The following DHX9 variants were observed in gnomAD, a reference collection of about 807,000 sequenced individuals.
DHX9 encodes DExH-box helicase 9.
A neutral mutation model predicts 148.7 loss-of-function variants in DHX9; 27 were observed. That is an observed-to-expected ratio of 0.18 (90% CI 0.13 to 0.25). The LOEUF (loss-of-function observed/expected upper bound fraction) is 0.25. Ranked by LOEUF, DHX9 falls within the 10% of genes least tolerant of loss-of-function variation. The pLI is 1.00. For synonymous variants in DHX9, 529 were observed against 516.6 expected (o/e 1.02, Z -0.33); for missense variants, 796 against 1,559.6 (o/e 0.51, Z 8.25).
intron 14 of DHX9, among the ~76,000 whole-genome samples, chr1:182,868,973 C>G (rs1255424109): frequency 6.6e-6 from 1 of 152,074 alleles, no homozygotes; most frequent in East Asian, 1.9e-4. Context: ...TAGGTTTTTC[C>G]TAATTAACTT....
chr1:182,869,231 G>T (rs186304006), intron 14 of DHX9, among the ~76,000 whole-genome samples: 1 of 152,192 alleles, frequency 6.6e-6, no homozygotes, highest in Non-Finnish European at 1.5e-5. Flanking sequence ...TATTCACAGT[G>T]AAACCTTGTC....
intron 1 of DHX9, chr1:182,839,767 TG>T (rs1319944888): frequency 6.6e-6 from 1 of 152,340 alleles, no homozygotes; most frequent in Non-Finnish European, 1.5e-5. Context: ...CCGCGGCGGC[TG>T]AGGGAAGGGG....
At chr1:182,858,450 A>T in intron 8 of DHX9, 101 bp from the exon 9 acceptor site, 1 of 1,164,772 alleles carries the variant, frequency 8.6e-7, no homozygotes, top group Non-Finnish European at 1.2e-6. Context: ...GGAACTGACT[A>T]TTGGTTTAGG....
intron 19 of DHX9, chr1:182,877,781 A>G (rs1044370513): frequency 8.9e-6 from 4 of 448,438 alleles, no homozygotes; most frequent in African/African-American, 7.9e-5. Flanking sequence ...ATGGCATGCA[A>G]AGTTTGGCCA....
chr1:182,848,923 C>G (rs987763847), intron 3 of DHX9, among the ~76,000 whole-genome samples: 5 of 152,210 alleles, frequency 3.3e-5, no homozygotes, highest in Non-Finnish European at 5.9e-5. Context: ...AACTCACTCA[C>G]TGTTGCTAGG....
intron 3 of DHX9, among the ~76,000 whole-genome samples, chr1:182,844,651 A>C (rs1667994758): frequency 6.6e-6 from 1 of 152,194 alleles, no homozygotes; most frequent in Non-Finnish European, 1.5e-5. Context: ...CTCCTGCCTC[A>C]GTCTCCTAAG....
intron 5 of DHX9, 124 bp from the exon 6 acceptor site, chr1:182,853,906 A>G (rs962532512): frequency 1.2e-6 from 1 of 859,694 alleles, no homozygotes; most frequent in Non-Finnish European, 1.8e-6. Flanking sequence ...GACTAGGATT[A>G]TAAACTATCA....
At chr1:182,869,375 A>T (rs1648448075) in intron 14 of DHX9, among the ~76,000 whole-genome samples, 2 of 151,662 alleles carry the variant, frequency 1.3e-5, no homozygotes, top group South Asian at 4.2e-4. Context: ...TCTAGTCCGG[A>T]TAGGTCTTGT....
rs1649400547 is a variant in DHX9 at position 182,887,721 on chromosome 1, T to C, written c.*287T>C. 5 of 335,256 alleles carry C rather than the reference T, an allele frequency of 1.5e-5. No homozygotes were observed. Among genetic ancestry groups the C allele is most frequent in the Admixed American group, 4.4e-5 (1 of 22,886 alleles). The allele number at this position is 335,256 out of a possible 1,614,324, so 20.8% of individuals were successfully genotyped here. ...TGGTATTTTCCTGGCTTTCGTTTAA[T>C]ACAATAGAAAATAAAGTATTACACC... On this transcript the variant is annotated 3_prime_UTR_variant, in exon 28 of 28. Coordinates refer to ENST00000367549, the MANE Select transcript of DHX9 (RefSeq NM_001357.5).
At position 182,876,197 on chromosome 1, in the gene DHX9, G is replaced by C. The variant is rs1648754909; in HGVS notation, c.1963G>C (p.Val655Leu). 6.2e-7 allele frequency: 1 copy of C among 1,613,710 alleles called. No homozygotes were observed. The highest frequency in any genetic ancestry group is 1.7e-5 in the Admixed American group (1 of 59,986). ...ETLNVPGAVLVFLPGWNLIYT... is the reference protein window; with the variant it reads ...ETLNVPGAVLLFLPGWNLIYT... ...CCTTAATGTTCCTGGAGCTGTGTTG[G>C]TTTTTTTGCCTGGCTGGAATCTGAT... The change falls in exon 17 of 28, where the codon GTT becomes CTT. Residue 655 changes from valine to leucine, a missense_variant. Physicochemically the swap from Val to Leu is conservative, Grantham distance 32. Around this residue, in one of 14 missense-constraint regions of DHX9, gnomAD observed 133 missense variants for 223.8 expected, o/e 0.59. Coordinates refer to ENST00000367549, the MANE Select transcript of DHX9 (RefSeq NM_001357.5).
chr1:182,887,637 T>TA lies in DHX9; in HGVS notation c.*208dup. On this transcript the variant is annotated 3_prime_UTR_variant, in exon 28 of 28. Transcript: ENST00000367549. ...TATTATGTAAAATATAACGATCTCT[T>TA]AAAAATACCACAGTTTGTATTTTTT... 1.9e-6 allele frequency: 1 copy of TA among 518,424 alleles called. No homozygotes were observed. The highest frequency in any genetic ancestry group is 3.4e-6 in the Non-Finnish European group (1 of 292,210). The allele number at this position is 518,424 out of a possible 1,614,324, so 32.1% of individuals were successfully genotyped here. A position where few individuals can be genotyped will look rare whatever the true frequency, so the allele number is the denominator to read the frequency against.
At position 182,876,146 on chromosome 1, in the gene DHX9, G is replaced by A; in HGVS notation, c.1912G>A (p.Glu638Lys). Residue 638 changes from glutamate (E) to lysine (K), a missense_variant, in exon 17 of 28, where the codon GAG becomes AAG. By Grantham distance (56) the Glu-to-Lys change is moderately conservative (BLOSUM62 1). Around this residue, in one of 14 missense-constraint regions of DHX9, gnomAD observed 133 missense variants for 223.8 expected, o/e 0.59. Transcript: ENST00000367549. ...NEKETPFELIEALLKYIETLN... is the reference protein window; with the variant it reads ...NEKETPFELIKALLKYIETLN... ...AAAGGAAACTCCTTTTGAACTCATC[G>A]AGGCTCTACTTAAGTACATTGAAAC... is the stretch of plus-strand genomic sequence containing the variant. The A allele has an allele frequency of 1.9e-6, 3 of 1,613,918 alleles. No individual in the cohort carries two copies. Among genetic ancestry groups the A allele is most frequent in the Non-Finnish European group, 2.5e-6 (3 of 1,179,878 alleles).
intron 18 of DHX9, 83 bp downstream of exon 18, chr1:182,876,624 A>G: frequency 7.7e-7 from 1 of 1,292,574 alleles, no homozygotes; most frequent in Non-Finnish European, 1.1e-6. Flanking sequence ...GAGCTACCCA[A>G]AAAATTGTAA....
chr1:182,884,869 G>T (rs550296770), intron 27 of DHX9, 56 bp downstream of exon 27: 1 of 1,562,194 alleles, frequency 6.4e-7, no homozygotes, highest in Non-Finnish European at 8.8e-7. Flanking sequence ...TCTTATGTAG[G>T]CCTAGAATTC....
At chr1:182,869,622 C>T (rs112523399) in intron 14 of DHX9, among the ~76,000 whole-genome samples, 2 of 146,572 alleles carry the variant, frequency 1.4e-5, no homozygotes, top group African/African-American at 2.7e-5. Flanking sequence ...TTGTCCAGTC[C>T]AGTCTTGTCT....
intron 16 of DHX9, 193 bp downstream of exon 16, chr1:182,875,147 T>A (rs1423025750): frequency 4.8e-6 from 3 of 620,188 alleles, no homozygotes; most frequent in Non-Finnish European, 9.0e-6. Flanking sequence ...CTGTTTTCTA[T>A]CACAAGTTAA....
chr1:182,884,736 T>G lies in DHX9; in HGVS notation c.3384T>G (p.Asn1128Lys). ...PAIISQLDPVNERMLNMIRQI... is the reference protein window; with the variant it reads ...PAIISQLDPVKERMLNMIRQI... ...TCATCAGCCAGTTGGACCCCGTAAA[T>G]GAACGTATGCTGAACATGATCCGTC... is the stretch of plus-strand genomic sequence containing the variant. Residue 1128 changes from asparagine to lysine, a missense_variant, in exon 27 of 28, where the codon AAT becomes AAG. Coordinates refer to ENST00000367549, the MANE Select transcript of DHX9 (RefSeq NM_001357.5). 3.7e-6 allele frequency: 6 copies of G among 1,614,154 alleles called. No homozygotes were observed. Among genetic ancestry groups the G allele is most frequent in the Non-Finnish European group, 5.1e-6 (6 of 1,180,036 alleles).
intron 1 of DHX9, 55 bp from the exon 2 acceptor site, chr1:182,842,490 C>T (rs2102586004): frequency 1.1e-6 from 1 of 946,134 alleles, no homozygotes; most frequent in East Asian, 2.7e-5. Context: ...ATAATTGGTT[C>T]CTCCCAGTTT....
chr1:182,883,152 A>T lies in DHX9; in HGVS notation c.2928A>T (p.Thr976=). The stretch of plus-strand genomic sequence containing the variant: ...TCCTCTTAACAGATTGTTTGTTGAC[A>T]CAAGTGTTTACTAACACTGGACCAG... The part of the protein sequence containing the change: ...NSGFPEDCLL[T]QVFTNTGPDN... The change falls in exon 25 of 28, where the codon ACA becomes ACT. Residue 976 remains threonine (T), a synonymous_variant. Transcript: ENST00000367549. 6.2e-7 allele frequency: 1 copy of T among 1,613,182 alleles called. No individual in the cohort carries two copies. The highest frequency in any genetic ancestry group is 1.1e-5 in the South Asian group (1 of 91,068).
Sources: allele counts gnomAD v4.1 joint callset (sites outside exome capture counted in the v4.1 genomes callset), GRCh38; gene constraint gnomAD v4.1.1; regional missense constraint gnomAD v4.1.1; transcripts MANE v1.5; gene names NCBI Gene and HGNC (gene_info 2026-07-23, HGNC 2026-07-21).